The following ARHGAP29 variants were observed in gnomAD, a reference collection of about 807,000 sequenced individuals.
The protein encoded by ARHGAP29 is rho GTPase-activating protein 29.
ARHGAP29 carries 43 observed loss-of-function variants against 122.6 expected under a neutral mutation model. That is an observed-to-expected ratio of 0.35 (90% CI 0.27 to 0.45). ARHGAP29 has a LOEUF of 0.45. ARHGAP29 is among the 20% of genes least tolerant of loss of function. The pLI, the probability that ARHGAP29 is intolerant of heterozygous loss-of-function variation, is 1.00. For missense variants in ARHGAP29, 1,303 were observed against 1,477.2 expected (o/e 0.88, Z 1.93); for synonymous variants, 506 against 497.1 (o/e 1.02, Z -0.24).
chr1:94,177,798 TATTAAC>T, intron 21 of ARHGAP29, 48 bp downstream of exon 21: 1 of 1,553,608 alleles, frequency 6.4e-7, no homozygotes, highest in East Asian at 2.3e-5. Context: ...ATCTTTAACT[TATTAAC>T]ATAAATATTA....
intron 2 of ARHGAP29, among the ~76,000 whole-genome samples, chr1:94,228,331 C>T (rs1252797318): frequency 1.3e-5 from 2 of 151,692 alleles, no homozygotes. Flanking sequence ...AATAAACTGC[C>T]AACATTCAGA....
the ARHGAP29 span, among the ~76,000 whole-genome samples, chr1:94,283,059 C>T: frequency 1.3e-5 from 2 of 152,112 alleles, no homozygotes; most frequent in Non-Finnish European, 2.9e-5. Flanking sequence ...CACAGACCAA[C>T]AGTCAGCAAC....
rs568939879 is a variant in ARHGAP29 at position 94,274,578 on chromosome 1, A to G, written c.-33+434T>C. ...AAACCTTAATGGAGTCTAATGTGGGAAAAAAGACAAGTAAATAGAGAGTTA... is the reference window on the plus strand; with the variant it reads ...AAACCTTAATGGAGTCTAATGTGGGGAAAAAGACAAGTAAATAGAGAGTTA... On this transcript the variant is annotated intron_variant and NMD_transcript_variant, in intron 1 of 25. Transcript: ENST00000552844. Among the ~76,000 whole-genome samples, 17 of 152,336 alleles carry G rather than the reference A, an allele frequency of 1.1e-4. No individual in the cohort carries two copies. The South Asian group carries it at 3.3e-3, about 30-fold the overall frequency.
At chr1:94,272,890 G>A (rs2100735681) in intron 1 of ARHGAP29, among the ~76,000 whole-genome samples, 1 of 152,284 alleles carries the variant, frequency 6.6e-6, no homozygotes, top group South Asian at 2.1e-4. Context: ...CCAGAGCAGA[G>A]GGACCTTATT....
At chr1:94,244,384 T>C (rs901042562) in intron 1 of ARHGAP29, among the ~76,000 whole-genome samples, 2 of 151,976 alleles carry the variant, frequency 1.3e-5, no homozygotes, top group Non-Finnish European at 2.9e-5. Context: ...CATGTGATCA[T>C]CTCAAAAGAT....
intron 1 of ARHGAP29, among the ~76,000 whole-genome samples, chr1:94,273,702 A>C (rs1161169180): frequency 1.3e-5 from 2 of 152,228 alleles, no homozygotes; most frequent in Non-Finnish European, 2.9e-5. Flanking sequence ...TTTATTAAAC[A>C]TCTGAAAGAT....
At chr1:94,179,353 T>C (rs1037661554) in intron 20 of ARHGAP29, among the ~76,000 whole-genome samples, 2 of 152,066 alleles carry the variant, frequency 1.3e-5, no homozygotes, top group African/African-American at 4.8e-5. Flanking sequence ...CCCAGCACTT[T>C]GGGAGGCTGA....
the ARHGAP29 span, among the ~76,000 whole-genome samples, chr1:94,301,348 T>C: frequency 1.0e-2 from 1,522 of 152,284 alleles, 23 homozygotes; most frequent in African/African-American, 0.035. Flanking sequence ...GGGAAGTTGA[T>C]AGGGACAACT....
At chr1:94,215,050 C>T (rs1489013349) in intron 3 of ARHGAP29, among the ~76,000 whole-genome samples, 1 of 144,428 alleles carries the variant, frequency 6.9e-6, no homozygotes, top group Non-Finnish European at 1.5e-5. Flanking sequence ...AGTCAGAGCC[C>T]ATAGTTCAAA....
At chr1:94,203,360 T>C (rs1650984827) in intron 8 of ARHGAP29, 150 bp from the exon 9 acceptor site, 1 of 531,876 alleles carries the variant, frequency 1.9e-6, no homozygotes, top group Non-Finnish European at 3.2e-6. Flanking sequence ...GAGAAAAATA[T>C]AGAAGAAAAT....
At position 94,209,523 on chromosome 1, in the gene ARHGAP29, T is replaced by C. The variant is rs369475193; in HGVS notation, c.341-173A>G. Among the ~76,000 whole-genome samples the C allele has an allele frequency of 3.4e-4, 52 of 152,288 alleles. No individual in the cohort carries two copies. In the South Asian group the frequency reaches 6.2e-3, roughly 18 times the overall value. ...ATGTTCAAATTCTTCATTATGAAAT[T>C]CATATAAAAGAATCAGCTTGCATAA... On this transcript the variant is annotated intron_variant, in intron 3 of 22. Coordinates refer to ENST00000260526, the MANE Select transcript of ARHGAP29 (RefSeq NM_004815.4).
intron 4 of ARHGAP29, 139 bp from the exon 5 acceptor site, chr1:94,209,043 C>T: frequency 1.2e-6 from 1 of 868,112 alleles, no homozygotes; most frequent in Non-Finnish European, 1.8e-6. Context: ...TTCACATAAA[C>T]CACAGTCACT....
chr1:94,221,423 G>C (rs1451262556), intron 2 of ARHGAP29, among the ~76,000 whole-genome samples: 2 of 151,604 alleles, frequency 1.3e-5, no homozygotes, highest in Non-Finnish European at 2.9e-5. Context: ...AAAACAAAAG[G>C]ATATTATTTC....
chr1:94,231,279 G>C lies in ARHGAP29; in HGVS notation c.205+128C>G, dbSNP rs976343773. On this transcript the variant is annotated intron_variant, in intron 2 of 22. Coordinates refer to ENST00000260526, the MANE Select transcript of ARHGAP29 (RefSeq NM_004815.4). Reference sequence around the variant, plus strand: ...ACACTGTAACCATCAAAGATTTGGGGAAAAAAGCACTAAAATAACTAAAGC... The same window carrying C: ...ACACTGTAACCATCAAAGATTTGGGCAAAAAAGCACTAAAATAACTAAAGC... The C allele has an allele frequency of 6.8e-5, 49 of 725,594 alleles. No individual in the cohort carries two copies. The South Asian group carries it at 9.1e-4, about 13-fold the overall frequency. The allele number at this position is 725,594 out of a possible 1,614,324, so 44.9% of individuals were successfully genotyped here.
At chr1:94,286,234 A>C in the ARHGAP29 span, among the ~76,000 whole-genome samples, 457 of 152,294 alleles carry the variant, frequency 3.0e-3, 1 homozygote, top group African/African-American at 0.01. Context: ...CACCAACACT[A>C]TCAGCCCCAC....
In ARHGAP29 at chr1:94,169,230, A is replaced by C. The variant is rs1353162748; in HGVS notation, c.*4639T>G. Among the ~76,000 whole-genome samples the C allele has an allele frequency of 1.3e-5, 2 of 152,230 alleles. No individual in the cohort carries two copies. Among genetic ancestry groups the C allele is most frequent in the African/African-American group, 4.8e-5 (2 of 41,468 alleles). On this transcript the variant is annotated 3_prime_UTR_variant, in exon 23 of 23. Coordinates refer to ENST00000260526, the MANE Select transcript of ARHGAP29 (RefSeq NM_004815.4). ...GTGAATTTGTCTCTCTTCCAGCCAG[A>C]TGACAGGAGCCTAGGATTCCAATGG... is the stretch of plus-strand genomic sequence containing the variant.
chr1:94,242,218 C>T (rs1365850492), upstream of ARHGAP29, among the ~76,000 whole-genome samples: 1 of 152,088 alleles, frequency 6.6e-6, no homozygotes, highest in Non-Finnish European at 1.5e-5. Context: ...GGAAGAACTC[C>T]ACATTTTCAT....
the ARHGAP29 span, among the ~76,000 whole-genome samples, chr1:94,307,753 T>C: frequency 2.6e-5 from 4 of 152,194 alleles, no homozygotes; most frequent in Non-Finnish European, 5.9e-5. Flanking sequence ...ATATGTCTAC[T>C]ACTCATCAAT....
intron 1 of ARHGAP29, among the ~76,000 whole-genome samples, chr1:94,270,831 A>G (rs1227169353): frequency 6.6e-6 from 1 of 152,274 alleles, no homozygotes; most frequent in Admixed American, 6.5e-5. Context: ...AGAGCTGCCA[A>G]GCAGTGTACT....
Sources: gnomAD v4.1 joint callset for allele counts (sites outside exome capture counted in the v4.1 genomes callset) on GRCh38, gnomAD v4.1.1 for gene constraint, MANE v1.5 for transcripts, NCBI Gene and HGNC (gene_info 2026-07-23, HGNC 2026-07-21) for gene names.